The following FNDC1 variants were observed in gnomAD, a reference collection of about 807,000 sequenced individuals.
FNDC1 encodes fibronectin type III domain containing 1, also known as fibronectin type III domain-containing protein 1.
A neutral mutation model predicts 168.0 loss-of-function variants in FNDC1; 96 were observed. That is an observed-to-expected ratio of 0.57 (90% CI 0.48 to 0.68). The LOEUF (loss-of-function observed/expected upper bound fraction) is 0.68. Among genes scored for constraint, FNDC1 ranks in the 30% least tolerant of loss-of-function variants. The probability of loss-of-function intolerance (pLI) is 0.00; values close to 1 mark genes in which losing one functional copy is unlikely to be tolerated. For synonymous variants in FNDC1, 1,099 were observed against 1,025.9 expected, an observed-to-expected ratio of 1.07 and a Z score of -1.36; for missense variants, 2,587 against 2,482.1, an observed-to-expected ratio of 1.04 and a Z score of -0.90.
At chr6:159,263,225 T>A (rs1777525214) in intron 19 of FNDC1, among the ~76,000 whole-genome samples, 1 of 152,098 alleles carries the variant, frequency 6.6e-6, no homozygotes. Flanking sequence ...GGCCATGGTG[T>A]TTCCCTCTAT....
chr6:159,187,482 C>A (rs1184489092), intron 1 of FNDC1, among the ~76,000 whole-genome samples: 1 of 152,132 alleles, frequency 6.6e-6, no homozygotes, highest in Non-Finnish European at 1.5e-5. Flanking sequence ...TTAAAGAACC[C>A]AATGCCAACT....
chr6:159,189,134 A>T (rs1404304739), intron 1 of FNDC1, among the ~76,000 whole-genome samples: 1 of 152,160 alleles, frequency 6.6e-6, no homozygotes, highest in Non-Finnish European at 1.5e-5. Context: ...ACCCAACTTG[A>T]GCTCATTTAA....
At position 159,203,318 on chromosome 6, in the gene FNDC1, G is replaced by A. The variant is rs143408712; in HGVS notation, c.460+2737G>A. 8.9e-4 allele frequency among the ~76,000 whole-genome samples: 136 copies of A among 152,280 alleles called. 1 individual carries two copies. The highest frequency in any genetic ancestry group is 3.2e-3 in the African/African-American group (131 of 41,558). On this transcript the variant is annotated intron_variant, in intron 4 of 22. Transcript: ENST00000297267. ...TATAGAATAAGCAGATGGGAGTGAC[G>A]GTTTGGGAGCCTAGGAGACACTGAT... is the stretch of plus-strand genomic sequence containing the variant.
intron 1 of FNDC1, among the ~76,000 whole-genome samples, chr6:159,191,279 G>A (rs549476706): frequency 2.6e-5 from 4 of 152,208 alleles, no homozygotes; most frequent in African/African-American, 9.6e-5. Context: ...TATAAGAGAT[G>A]GGTCCTAGGA....
chr6:159,236,162 C>T (rs1048107886), intron 11 of FNDC1, 53 bp from the exon 12 acceptor site: 25 of 1,343,174 alleles, frequency 1.9e-5, no homozygotes, highest in African/African-American at 7.2e-5. Context: ...GCCAACTTCC[C>T]GGGCATGTTG....
In FNDC1 at chr6:159,266,086, G is replaced by A. The variant is rs754390131; in HGVS notation, c.5287G>A (p.Gly1763Ser). 3.0e-5 allele frequency: 48 copies of A among 1,613,584 alleles called. No homozygotes were observed. The highest frequency in any genetic ancestry group is 1.5e-4 in the Admixed American group (9 of 60,002). The change falls in exon 21 of 23, where the codon GGT (glycine) becomes AGT (serine). Residue 1763 changes from glycine to serine, a missense_variant and splice_region_variant. Coordinates refer to ENST00000297267, the MANE Select transcript of FNDC1 (RefSeq NM_032532.3). Reference sequence around the variant, plus strand: ...CAGGTGTGTTTTGTGTTGTCAAGGCGGTGAGCCTATCTGGATCCCATTCGC... The same window carrying A: ...CAGGTGTGTTTTGTGTTGTCAAGGCAGTGAGCCTATCTGGATCCCATTCGC... The part of the protein sequence containing the change: ...NPLLVVRPPG[G>S]EPIWIPFAFK...
chr6:159,269,044 GTATCTATCTATCTGTCTATCTATCTATC>G (rs1259684660), intron 22 of FNDC1, among the ~76,000 whole-genome samples: 10 of 51,196 alleles, frequency 2.0e-4, no homozygotes, highest in Non-Finnish European at 4.6e-4. Context: ...CCACCTCTAG[GTATCTATCTATCTGTCTATCTATCTATC>G]TATCTATCTA....
At chr6:159,191,884 G>A (rs1451773333) in intron 1 of FNDC1, among the ~76,000 whole-genome samples, 1 of 151,432 alleles carries the variant, frequency 6.6e-6, no homozygotes, top group African/African-American at 2.4e-5. Flanking sequence ...TTTTTTTTGT[G>A]ACAGGGTCTC....
chr6:159,222,269 A>C (rs1271038053), intron 6 of FNDC1, among the ~76,000 whole-genome samples: 1 of 152,222 alleles, frequency 6.6e-6, no homozygotes, highest in Non-Finnish European at 1.5e-5. Context: ...CTTAATTTAA[A>C]GAGGCAATCT....
intron 1 of FNDC1, among the ~76,000 whole-genome samples, chr6:159,193,427 A>G (rs2114940177): frequency 6.6e-6 from 1 of 152,124 alleles, no homozygotes; most frequent in African/African-American, 2.4e-5. Context: ...AGACTCCTGG[A>G]TTTGATCTTG....
At chr6:159,198,307 G>GAGA (rs1177305977) in intron 2 of FNDC1, among the ~76,000 whole-genome samples, 1 of 152,192 alleles carries the variant, frequency 6.6e-6, no homozygotes, top group Non-Finnish European at 1.5e-5. Context: ...AAGGAAGGAA[G>GAGA]AGAAGTCAGC....
chr6:159,175,675 G>T (rs1781747222), intron 1 of FNDC1, among the ~76,000 whole-genome samples: 2 of 152,322 alleles, frequency 1.3e-5, no homozygotes, highest in Admixed American at 6.5e-5. Context: ...TGTGAGCAGG[G>T]TCCTCACTGT....
chr6:159,264,126 A>G lies in FNDC1; in HGVS notation c.5255-849A>G, dbSNP rs117007096. ...GCACCTACTTGAAGTGTACATCTTA[A>G]TGTATTTTGAGTTGTGCTTATACCC... On this transcript the variant is annotated intron_variant, in intron 19 of 22. Coordinates refer to ENST00000297267, the MANE Select transcript of FNDC1 (RefSeq NM_032532.3). 1.5e-4 allele frequency among the ~76,000 whole-genome samples: 23 copies of G among 152,316 alleles called. No homozygotes were observed. In the East Asian group the frequency reaches 4.2e-3, roughly 28 times the overall value.
At chr6:159,181,216 A>C (rs1322410493) in intron 1 of FNDC1, among the ~76,000 whole-genome samples, 1 of 152,102 alleles carries the variant, frequency 6.6e-6, no homozygotes, top group Non-Finnish European at 1.5e-5. Flanking sequence ...TTTGACTTGC[A>C]TTTCTCTAAT....
chr6:159,229,741 C>G, intron 9 of FNDC1, 74 bp from the exon 10 acceptor site: 1 of 1,350,984 alleles, frequency 7.4e-7, no homozygotes, highest in Non-Finnish European at 1.0e-6. Flanking sequence ...ATTCGTCCTG[C>G]CCATACAGTC....
chr6:159,186,264 G>T (rs1460659911), intron 1 of FNDC1, among the ~76,000 whole-genome samples: 1 of 152,220 alleles, frequency 6.6e-6, no homozygotes, highest in Non-Finnish European at 1.5e-5. Flanking sequence ...AATAATGAAA[G>T]ATAAACTATA....
rs748854250 is a variant in FNDC1 at position 159,226,455 on chromosome 6, T to G, written c.1073-18T>G. 1 of 1,596,032 alleles carries G rather than the reference T, an allele frequency of 6.3e-7. No individual in the cohort carries two copies. The highest frequency in any genetic ancestry group is 8.6e-7 in the Non-Finnish European group (1 of 1,168,294). ...CGGTAAGGCATTTAAAAATGTTTCT[T>G]TCCTTGTCATTTTGTAGCCCCTACC... On this transcript the variant is annotated intron_variant, in intron 8 of 22. Transcript: ENST00000297267.
chr6:159,177,451 G>A (rs1437387382), intron 1 of FNDC1, among the ~76,000 whole-genome samples: 3 of 152,142 alleles, frequency 2.0e-5, no homozygotes, highest in Non-Finnish European at 4.4e-5. Context: ...GGAACTCACG[G>A]GGCTGGATGG....
chr6:159,200,694 G>A (rs951818423), intron 4 of FNDC1, 113 bp downstream of exon 4: 12 of 772,038 alleles, frequency 1.6e-5, no homozygotes, highest in African/African-American at 8.7e-5. Context: ...AGTTCCCATC[G>A]CTAAACTAAC....
Sources: allele counts gnomAD v4.1 joint callset (sites outside exome capture counted in the v4.1 genomes callset), GRCh38; gene constraint gnomAD v4.1.1; transcripts MANE v1.5; gene names NCBI Gene and HGNC (gene_info 2026-07-23, HGNC 2026-07-21).